Variants in RYR3 observed in about 807,000 individuals in gnomAD.
The protein encoded by RYR3 is ryanodine receptor 3, also known as brain ryanodine receptor-calcium release channel.
A neutral mutation model predicts 584.3 loss-of-function variants in RYR3; 207 were observed. The observed-to-expected ratio is 0.35, with a 90% CI of 0.32 to 0.40. RYR3 has a LOEUF of 0.40. Among genes scored for constraint, RYR3 ranks in the 10% least tolerant of loss-of-function variants. The pLI, the probability that RYR3 is intolerant of heterozygous loss-of-function variation, is 1.00. For synonymous variants in RYR3, 2,416 were observed against 2,248.5 expected (o/e 1.07, Z -2.11); for missense variants, 5,616 against 6,089.2 (o/e 0.92, Z 2.59).
At chr15:33,646,558 C>T in intron 29 of RYR3, 32 bp downstream of exon 29, 1 of 1,572,066 alleles carries the variant, frequency 6.4e-7, no homozygotes, top group Non-Finnish European at 8.7e-7. Context: ...CTCAGAGGCA[C>T]TCATTGTATC....
intron 9 of RYR3, among the ~76,000 whole-genome samples, chr15:33,549,854 G>A (rs905299820): frequency 6.6e-6 from 1 of 152,102 alleles, no homozygotes; most frequent in South Asian, 2.1e-4. Flanking sequence ...TTGATTTGTG[G>A]TTATTTGCAT....
intron 6 of RYR3, among the ~76,000 whole-genome samples, chr15:33,540,094 G>A (rs1381721861): frequency 6.6e-6 from 1 of 152,160 alleles, no homozygotes; most frequent in Non-Finnish European, 1.5e-5. Flanking sequence ...TATTCTTTTA[G>A]ATGATGGTGC....
chr15:33,445,448 G>A (rs375525011), intron 1 of RYR3, among the ~76,000 whole-genome samples: 179 of 152,246 alleles, frequency 1.2e-3, no homozygotes, highest in Non-Finnish European at 2.1e-3. Flanking sequence ...ATGCCTGTAC[G>A]CAGCCAGCCC....
intron 16 of RYR3, among the ~76,000 whole-genome samples, chr15:33,586,892 C>T (rs754273651): frequency 7.9e-5 from 12 of 152,030 alleles, no homozygotes; most frequent in African/African-American, 1.7e-4. Context: ...TGGCCAGACG[C>T]GATATTCAAC....
At chr15:33,733,582 A>G (rs1039966713) in intron 48 of RYR3, among the ~76,000 whole-genome samples, 5 of 152,188 alleles carry the variant, frequency 3.3e-5, no homozygotes, top group Non-Finnish European at 7.4e-5. Context: ...CAGTGGTGTC[A>G]GGGGTTGGGG....
chr15:33,859,428 G>A, intron 99 of RYR3, 147 bp from the exon 100 acceptor site: 1 of 737,474 alleles, frequency 1.4e-6, no homozygotes, highest in African/African-American at 1.8e-5. Context: ...ACAGCAGCTA[G>A]CAGCATGAAT....
chr15:33,698,478 G>A (rs1334524753), intron 40 of RYR3, among the ~76,000 whole-genome samples: 1 of 152,204 alleles, frequency 6.6e-6, no homozygotes. Flanking sequence ...CGCATCAGGG[G>A]GAGCTCCTGT....
intron 1 of RYR3, among the ~76,000 whole-genome samples, chr15:33,314,939 AAC>A (rs1491088996): frequency 5.1e-4 from 74 of 145,308 alleles, no homozygotes; most frequent in Non-Finnish European, 8.3e-4. Flanking sequence ...CAAAAAAAAA[AAC>A]CAAAAAAAAA....
At chr15:33,515,731 G>C (rs1179049256) in intron 3 of RYR3, among the ~76,000 whole-genome samples, 1 of 152,098 alleles carries the variant, frequency 6.6e-6, no homozygotes, top group Non-Finnish European at 1.5e-5. Flanking sequence ...CTGGTTTATT[G>C]TTTTGCCTTA....
intron 12 of RYR3, among the ~76,000 whole-genome samples, chr15:33,571,972 T>C (rs2058051124): frequency 6.6e-6 from 1 of 152,178 alleles, no homozygotes; most frequent in South Asian, 2.1e-4. Flanking sequence ...TGAGGAGTTA[T>C]TCTCTTAGTG....
At chr15:33,822,232 G>A (rs2077147654) in intron 80 of RYR3, among the ~76,000 whole-genome samples, 1 of 152,228 alleles carries the variant, frequency 6.6e-6, no homozygotes, top group African/African-American at 2.4e-5. Context: ...GGAACAGGCT[G>A]CAGAAGACAG....
At chr15:33,581,443 A>G in intron 13 of RYR3, 65 bp from the exon 14 acceptor site, 1 of 1,496,746 alleles carries the variant, frequency 6.7e-7, no homozygotes, top group Non-Finnish European at 9.2e-7. Flanking sequence ...AGGAGGGGAA[A>G]GAGCATAAGG....
At chr15:33,397,682 G>C (rs2042381519) in intron 1 of RYR3, among the ~76,000 whole-genome samples, 1 of 152,170 alleles carries the variant, frequency 6.6e-6, no homozygotes, top group African/African-American at 2.4e-5. Flanking sequence ...CAGAGAAAAA[G>C]AAAAACCTTT....
Position 33,548,136 on chromosome 15 carries a change from A to T in RYR3, c.747A>T (p.Ile249=), listed in dbSNP as rs2056389983. Residue 249 remains isoleucine, a synonymous_variant, in exon 9 of 104, where the codon ATA becomes ATT. Transcript: ENST00000634891. ...TDQNDSQHRR[I]FYEAGGAGTR... is the part of the protein sequence containing the mutation. ...TCTCCAACTCTGCTCACAGGAGGAT[A>T]TTCTACGAAGCTGGGGGAGCTGGGA... The T allele has an allele frequency of 1.9e-6, 3 of 1,612,020 alleles. No individual in the cohort carries two copies. The highest frequency in any genetic ancestry group is 2.5e-6 in the Non-Finnish European group (3 of 1,179,092).
At chr15:33,794,334 T>TATAATATATA (rs1216564897) in intron 67 of RYR3, among the ~76,000 whole-genome samples, 1 of 87,076 alleles carries the variant, frequency 1.1e-5, no homozygotes, top group Non-Finnish European at 2.4e-5. Flanking sequence ...TTTATATATG[T>TATAATATATA]TTATATATAT....
chr15:33,722,508 G>C (rs1184996562), intron 43 of RYR3: 2 of 567,364 alleles, frequency 3.5e-6, no homozygotes, highest in Non-Finnish European at 6.1e-6. Flanking sequence ...TTCAAGTGCA[G>C]TGAGTGGGGT....
At chr15:33,465,001 G>A (rs188169602) in intron 1 of RYR3, among the ~76,000 whole-genome samples, 4 of 152,194 alleles carry the variant, frequency 2.6e-5, no homozygotes, top group Admixed American at 2.0e-4. Flanking sequence ...CTTTCTGCAC[G>A]TAGCTGATTT....
chr15:33,416,189 G>T (rs1195734824), intron 1 of RYR3, among the ~76,000 whole-genome samples: 1 of 152,126 alleles, frequency 6.6e-6, no homozygotes, highest in African/African-American at 2.4e-5. Flanking sequence ...CTTTTTGGTA[G>T]AACGATTTAA....
At chr15:33,413,972 C>T (rs2043597896) in intron 1 of RYR3, among the ~76,000 whole-genome samples, 2 of 152,194 alleles carry the variant, frequency 1.3e-5, no homozygotes, top group South Asian at 4.1e-4. Context: ...GGAGGTTTCT[C>T]AGGATTAATG....
Sources: gnomAD v4.1 joint callset for allele counts (sites outside exome capture counted in the v4.1 genomes callset) on GRCh38, gnomAD v4.1.1 for gene constraint, MANE v1.5 for transcripts, NCBI Gene and HGNC (gene_info 2026-07-23, HGNC 2026-07-21) for gene names.